The following RBFOX1 variants were observed in gnomAD, a reference collection of about 807,000 sequenced individuals.
RBFOX1 encodes RNA binding fox-1 homolog 1, also known as RNA binding protein fox-1 homolog 1.
A neutral mutation model predicts 57.7 loss-of-function variants in RBFOX1; 8 were observed. The ratio of observed to expected loss-of-function variants is 0.14; its 90% CI spans 0.08 to 0.25. RBFOX1 has a LOEUF of 0.25. Ranked by LOEUF, RBFOX1 falls within the 10% of genes least tolerant of loss-of-function variation. The pLI, the probability that RBFOX1 is intolerant of heterozygous loss-of-function variation, is 1.00. For missense variants in RBFOX1, 611 were observed against 548.5 expected (o/e 1.11, Z -1.14); for synonymous variants, 326 against 222.4 (o/e 1.47, Z -4.15).
At chr16:7,531,059 G>C (rs1437741702) in intron 5 of RBFOX1, among the ~76,000 whole-genome samples, 3 of 152,102 alleles carry the variant, frequency 2.0e-5, no homozygotes, top group African/African-American at 7.2e-5. Flanking sequence ...AAACAAACCA[G>C]ACCATCAGGA....
At chr16:7,594,937 G>T (rs1029098288) in intron 7 of RBFOX1, among the ~76,000 whole-genome samples, 1 of 152,044 alleles carries the variant, frequency 6.6e-6, no homozygotes, top group Non-Finnish European at 1.5e-5. Flanking sequence ...TTGTTTATTA[G>T]ACCAAAGAGT....
intron 1 of RBFOX1, among the ~76,000 whole-genome samples, chr16:5,444,281 A>G (rs2068174666): frequency 6.6e-6 from 1 of 152,190 alleles, no homozygotes; most frequent in South Asian, 2.1e-4. Context: ...GTTGCTTCTG[A>G]TGACCTCATT....
intron 2 of RBFOX1, among the ~76,000 whole-genome samples, chr16:6,572,571 A>G (rs998930335): frequency 1.8e-4 from 27 of 151,846 alleles, no homozygotes; most frequent in Non-Finnish European, 3.2e-4. Flanking sequence ...ATGGACAGCT[A>G]TGTTTTCACA....
chr16:6,751,320 A>C (rs997936799), intron 3 of RBFOX1, among the ~76,000 whole-genome samples: 1 of 152,172 alleles, frequency 6.6e-6, no homozygotes, highest in African/African-American at 2.4e-5. Context: ...GAGAAATGAC[A>C]GTGCCCTCTA....
intron 4 of RBFOX1, among the ~76,000 whole-genome samples, chr16:7,122,778 C>A (rs1028329236): frequency 1.8e-4 from 27 of 152,242 alleles, no homozygotes; most frequent in African/African-American, 6.0e-4. Flanking sequence ...TGTATAGCAA[C>A]TCTACCATAG....
intron 2 of RBFOX1, among the ~76,000 whole-genome samples, chr16:5,519,516 G>T (rs775980196): frequency 5.9e-5 from 9 of 152,166 alleles, no homozygotes; most frequent in Admixed American, 2.6e-4. Flanking sequence ...TTGAACCCAG[G>T]AGTTTGAGAT....
chr16:7,144,250 T>G (rs1014860705), intron 4 of RBFOX1, among the ~76,000 whole-genome samples: 2 of 152,210 alleles, frequency 1.3e-5, no homozygotes, highest in East Asian at 3.9e-4. Context: ...TATTTGAGTG[T>G]TTAATGAAAG....
intron 2 of RBFOX1, among the ~76,000 whole-genome samples, chr16:5,535,801 G>A (rs1039337347): frequency 3.3e-5 from 5 of 152,138 alleles, no homozygotes; most frequent in African/African-American, 4.8e-5. Context: ...ATGTCACCAG[G>A]TTTCACCACA....
intron 1 of RBFOX1, among the ~76,000 whole-genome samples, chr16:6,300,418 GTACACCATAAATA>G (rs1416399281): frequency 1.4e-4 from 21 of 152,170 alleles, no homozygotes; most frequent in Admixed American, 6.5e-4. Context: ...ACATCATGTT[GTACACCATAAATA>G]TACACAATTT....
intron 4 of RBFOX1, among the ~76,000 whole-genome samples, chr16:7,061,269 G>GT (rs536455119): frequency 6.6e-6 from 1 of 152,026 alleles, no homozygotes; most frequent in Non-Finnish European, 1.5e-5. Flanking sequence ...TTTTTAAAAT[G>GT]TTTTTTAAAT....
At chr16:7,160,587 G>T (rs1196925981) in intron 4 of RBFOX1, among the ~76,000 whole-genome samples, 1 of 152,098 alleles carries the variant, frequency 6.6e-6, no homozygotes, top group Admixed American at 6.5e-5. Context: ...TAGCTGAAAA[G>T]TCGTAATACA....
chr16:5,291,892 C>A (rs2063544376), intron 1 of RBFOX1, among the ~76,000 whole-genome samples: 1 of 151,984 alleles, frequency 6.6e-6, no homozygotes, highest in African/African-American at 2.4e-5. Flanking sequence ...AAAGCATACT[C>A]AAGTGGGCCC....
intron 3 of RBFOX1, among the ~76,000 whole-genome samples, chr16:6,862,333 G>C (rs2059166312): frequency 6.6e-6 from 1 of 152,166 alleles, no homozygotes. Flanking sequence ...AGGCGATGCT[G>C]ATCGTGCAGG....
chr16:5,946,080 A>G lies in RBFOX1; in HGVS notation c.351+78745A>G, dbSNP rs1460274062. On this transcript the variant is annotated intron_variant, in intron 4 of 19. Transcript: ENST00000641259. This position sits in a 1 kb window ranked among gnomAD's most constrained non-coding sequence, Gnocchi z 4.6. The stretch of plus-strand genomic sequence containing the variant: ...GTGAGGGGGAGACAGGGTTTTAATT[A>G]GTGGACTGACTTACCCGCTATTCTT... Among the ~76,000 whole-genome samples the G allele has an allele frequency of 1.3e-5, 2 of 152,218 alleles. No homozygotes were observed. The highest frequency in any genetic ancestry group is 2.4e-5 in the African/African-American group (1 of 41,464).
chr16:6,250,313 G>A (rs1643205858), intron 1 of RBFOX1, among the ~76,000 whole-genome samples: 1 of 152,098 alleles, frequency 6.6e-6, no homozygotes, highest in South Asian at 2.1e-4. Context: ...CTGCTCATTA[G>A]AATGTTTAAT....
rs557012925 is a variant in RBFOX1, at chr16:6,897,634, C to A, written c.-15-154423C>A. On this transcript the variant is annotated intron_variant, in intron 3 of 15. Transcript: ENST00000550418. ...TGGTGAAACCCCATCTCTATTAAAA[C>A]AAAAAAAAATTAGCTGGGCTTGGTG... Among the ~76,000 whole-genome samples, 12 of 150,870 alleles carry A rather than the reference C, an allele frequency of 8.0e-5. No individual in the cohort carries two copies. In the South Asian group the frequency reaches 2.3e-3, roughly 29 times the overall value.
intron 4 of RBFOX1, among the ~76,000 whole-genome samples, chr16:7,144,715 A>C (rs1308719484): frequency 6.6e-6 from 1 of 152,030 alleles, no homozygotes; most frequent in Non-Finnish European, 1.5e-5. Context: ...CTTTCCCCAG[A>C]TAGTCTCCCT....
At chr16:6,599,573 C>A (rs2154003941) in intron 2 of RBFOX1, among the ~76,000 whole-genome samples, 1 of 152,268 alleles carries the variant, frequency 6.6e-6, no homozygotes, top group Middle Eastern at 3.4e-3. Flanking sequence ...CCTACCATTT[C>A]TTACTTGCAA....
chr16:6,793,821 T>C (rs10163420), intron 3 of RBFOX1, among the ~76,000 whole-genome samples: 3 of 151,996 alleles, frequency 2.0e-5, no homozygotes, highest in Non-Finnish European at 4.4e-5. Flanking sequence ...CTTTGGTTAG[T>C]AGAAGGTGAT....
Sources: allele counts gnomAD v4.1 joint callset (sites outside exome capture counted in the v4.1 genomes callset), GRCh38; gene constraint gnomAD v4.1.1; non-coding constraint Gnocchi (gnomAD v3.1); transcripts MANE v1.5; gene names NCBI Gene and HGNC (gene_info 2026-07-23, HGNC 2026-07-21).